Variants in ELOVL4 observed in about 807,000 individuals in gnomAD.
ELOVL4 encodes the protein very long chain fatty acid elongase 4.
In ELOVL4, 18 loss-of-function variants were observed where a neutral mutation model predicts 42.1. The ratio of observed to expected loss-of-function variants is 0.43; its 90% confidence interval spans 0.30 to 0.63. The LOEUF is 0.63. Ranked by LOEUF, ELOVL4 falls within the 30% of genes least tolerant of loss-of-function variation. The pLI, the probability that ELOVL4 is intolerant of heterozygous loss-of-function variation, is 0.15. For missense variants in ELOVL4, 299 were observed against 376.2 expected (o/e 0.79, Z 1.70); for synonymous variants, 117 against 127.0 (o/e 0.92, Z 0.53).
intron 1 of ELOVL4, among the ~76,000 whole-genome samples, chr6:79,943,515 T>C (rs1172268492): frequency 6.6e-6 from 1 of 152,186 alleles, no homozygotes; most frequent in Non-Finnish European, 1.5e-5. Context: ...AACAACTGTA[T>C]ATTCCTTTCA....
At chr6:79,917,950 T>C (rs1380928005) in intron 5 of ELOVL4, among the ~76,000 whole-genome samples, 1 of 152,140 alleles carries the variant, frequency 6.6e-6, no homozygotes, top group African/African-American at 2.4e-5. Context: ...TAAAATGAAA[T>C]AGATTCTGAT....
rs1244935367 is a variant in ELOVL4, at chr6:79,916,524, C to T, written c.*84G>A. On this transcript the variant is annotated 3_prime_UTR_variant, in exon 6 of 6. Transcript: ENST00000369816. The stretch of plus-strand genomic sequence containing the variant: ...TGTCTTTTCTCCCCACCCCCAAGCT[C>T]TCCTTTGCTTCTGTTTTCCCTGAAA... The T allele has an allele frequency of 6.4e-7, 1 of 1,555,960 alleles. No individual in the cohort carries two copies. Among genetic ancestry groups the T allele is most frequent in the Admixed American group, 1.7e-5 (1 of 59,742 alleles).
rs142433454 is a variant in ELOVL4 at position 79,938,628 on chromosome 6, T to C, written c.100+8552A>G. Among the ~76,000 whole-genome samples, 870 of 152,362 alleles carry C rather than the reference T, an allele frequency of 5.7e-3. 8 individuals carry two copies. The highest frequency in any genetic ancestry group is 0.02 in the African/African-American group (819 of 41,582). On this transcript the variant is annotated intron_variant, in intron 1 of 5. Coordinates refer to ENST00000369816, the MANE Select transcript of ELOVL4 (RefSeq NM_022726.4). Reference sequence around the variant, plus strand: ...AGGCTAAATATCGCATTTTGTATTCTACATATATTCACATATTTGTGTATG... The same window carrying C: ...AGGCTAAATATCGCATTTTGTATTCCACATATATTCACATATTTGTGTATG...
intron 1 of ELOVL4, among the ~76,000 whole-genome samples, chr6:79,927,339 C>T (rs1417634465): frequency 6.6e-6 from 1 of 151,946 alleles, no homozygotes; most frequent in African/African-American, 2.4e-5. Context: ...CTTGGCAATG[C>T]AAAACATTTT....
At chr6:79,921,382 A>AC (rs1478543394) in intron 4 of ELOVL4, among the ~76,000 whole-genome samples, 1 of 138,998 alleles carries the variant, frequency 7.2e-6, no homozygotes, top group African/African-American at 2.6e-5. Flanking sequence ...AATCGCTGGA[A>AC]CCCGGGAGGT....
intron 1 of ELOVL4, among the ~76,000 whole-genome samples, chr6:79,939,348 C>T (rs915836663): frequency 1.3e-5 from 2 of 151,960 alleles, no homozygotes; most frequent in African/African-American, 4.8e-5. Flanking sequence ...GTGTACAGTC[C>T]AGTATCATTA....
At chr6:79,946,682 A>C (rs540740804) in intron 1 of ELOVL4, among the ~76,000 whole-genome samples, 1 of 152,368 alleles carries the variant, frequency 6.6e-6, no homozygotes, top group South Asian at 2.1e-4. Context: ...AGATAGAAGA[A>C]AAGATTAGCA....
intron 1 of ELOVL4, among the ~76,000 whole-genome samples, chr6:79,933,548 G>A (rs570215627): frequency 6.6e-6 from 1 of 152,122 alleles, no homozygotes; most frequent in Non-Finnish European, 1.5e-5. Context: ...GCTTTCAAAA[G>A]ATCATGGTAG....
chr6:79,938,275 T>A (rs911515324), intron 1 of ELOVL4, among the ~76,000 whole-genome samples: 3 of 152,154 alleles, frequency 2.0e-5, no homozygotes, highest in African/African-American at 7.2e-5. Context: ...AGTTCAACCA[T>A]CCACCCAATG....
intron 3 of ELOVL4, among the ~76,000 whole-genome samples, chr6:79,923,599 G>GT (rs1214143185): frequency 6.6e-6 from 1 of 152,040 alleles, no homozygotes; most frequent in Non-Finnish European, 1.5e-5. Context: ...ATACATCTGA[G>GT]TAGTCTCTCA....
intron 1 of ELOVL4, among the ~76,000 whole-genome samples, chr6:79,939,605 C>T (rs536485799): frequency 6.6e-6 from 1 of 152,104 alleles, no homozygotes; most frequent in Admixed American, 6.5e-5. Context: ...TTCACTGAAG[C>T]CTTCACCTCC....
At chr6:79,944,987 C>CCCAAAAAAAAAA (rs1774712286) in intron 1 of ELOVL4, among the ~76,000 whole-genome samples, 1 of 93,006 alleles carries the variant, frequency 1.1e-5, no homozygotes. Context: ...TGAATGAGTC[C>CCCAAAAAAAAAA]AAAAAAAAAA....
rs755206195 is a variant in ELOVL4, at chr6:79,916,561, A to G, written c.*47T>C. 8.7e-6 allele frequency: 14 copies of G among 1,609,374 alleles called. No individual in the cohort carries two copies. In the Admixed American group the frequency reaches 1.2e-4, roughly 13 times the overall value. ...TGTTTTCCCTGAAATTTTATATGAT[A>G]TGGGAGTTTTTCCTCACTGTCAACA... On this transcript the variant is annotated 3_prime_UTR_variant, in exon 6 of 6. Transcript: ENST00000369816.
intron 1 of ELOVL4, among the ~76,000 whole-genome samples, chr6:79,929,272 G>A (rs959227784): frequency 1.2e-4 from 18 of 151,980 alleles, no homozygotes; most frequent in Non-Finnish European, 7.4e-5. Context: ...ACAGAGTCTC[G>A]TTGTGTCACC....
rs1294805571 is a variant in ELOVL4 at position 79,947,482 on chromosome 6, C to G, written c.-203G>C. 1.0e-5 allele frequency: 6 copies of G among 601,914 alleles called. No homozygotes were observed. The highest frequency in any genetic ancestry group is 1.8e-5 in the Non-Finnish European group (6 of 338,472). The allele number at this position is 601,914 out of a possible 1,614,324, so 37.3% of individuals were successfully genotyped here. On this transcript the variant is annotated 5_prime_UTR_variant, in exon 1 of 6. Coordinates refer to ENST00000369816, the MANE Select transcript of ELOVL4 (RefSeq NM_022726.4). ...GGCAGGGCCAAGCGGAAGGCGTCGT[C>G]AAGGTTCCCGGGAGAAAGACGAGGA...
At chr6:79,922,255 C>T (rs1224245757) in intron 3 of ELOVL4, among the ~76,000 whole-genome samples, 1 of 151,656 alleles carries the variant, frequency 6.6e-6, no homozygotes, top group Non-Finnish European at 1.5e-5. Flanking sequence ...GTCTGCCCAC[C>T]CTCTCCCCTC....
In ELOVL4 at chr6:79,915,837, G is replaced by A. The variant is rs1012160462; in HGVS notation, c.*771C>T. Reference sequence around the variant, plus strand: ...CATGAGTTGTTTCATGTTTCAATCAGACAATAATCTTAATTTTCATAATAT... The same window carrying A: ...CATGAGTTGTTTCATGTTTCAATCAAACAATAATCTTAATTTTCATAATAT... On this transcript the variant is annotated 3_prime_UTR_variant, in exon 6 of 6. Coordinates refer to ENST00000369816, the MANE Select transcript of ELOVL4 (RefSeq NM_022726.4). 2 of 152,516 alleles carry A rather than the reference G, an allele frequency of 1.3e-5. No homozygotes were observed. The highest frequency in any genetic ancestry group is 2.9e-5 in the Non-Finnish European group (2 of 68,010). The allele number at this position is 152,516 out of a possible 1,614,324, so 9.4% of individuals were successfully genotyped here.
rs545210567 is a variant in ELOVL4 at position 79,918,800 on chromosome 6, C to T, written c.669+620G>A. Among the ~76,000 whole-genome samples the T allele has an allele frequency of 5.3e-5, 8 of 152,274 alleles. No homozygotes were observed. The South Asian group carries it at 1.2e-3, about 24-fold the overall frequency. ...AGATTGCCACAAACAGTCTTACTAG[C>T]GGGATGTGCTGAAAACTGTCTGGAC... On this transcript the variant is annotated intron_variant, in intron 5 of 5. Coordinates refer to ENST00000369816, the MANE Select transcript of ELOVL4 (RefSeq NM_022726.4).
intron 1 of ELOVL4, among the ~76,000 whole-genome samples, chr6:79,938,763 T>C (rs1208813361): frequency 2.0e-5 from 3 of 152,270 alleles, no homozygotes; most frequent in Non-Finnish European, 2.9e-5. Flanking sequence ...GGTAATATTA[T>C]GACTTTGTTC....
Sources: allele counts gnomAD v4.1 joint callset (sites outside exome capture counted in the v4.1 genomes callset), GRCh38; gene constraint gnomAD v4.1.1; transcripts MANE v1.5; gene names NCBI Gene and HGNC (gene_info 2026-07-23, HGNC 2026-07-21).